VPS13D: variants seen among roughly 807,000 people sequenced by gnomAD.
VPS13D encodes the protein intermembrane lipid transfer protein VPS13D.
Under a neutral mutation model 461.9 loss-of-function variants are expected in VPS13D, and 187 were observed. That is an observed-to-expected ratio of 0.40 (90% CI 0.36 to 0.46). The LOEUF (loss-of-function observed/expected upper bound fraction) is 0.46, where lower values mean the gene tolerates loss of function less well. VPS13D is among the 20% of genes least tolerant of loss of function. The probability of loss-of-function intolerance (pLI) is 0.60; values close to 1 mark genes in which losing one functional copy is unlikely to be tolerated. For synonymous variants in VPS13D, 1,951 were observed against 1,986.3 expected (o/e 0.98, Z 0.47); for missense variants, 4,711 against 5,364.9 (o/e 0.88, Z 3.81).
At chr1:12,264,694 A>G (rs2101304696) in intron 13 of VPS13D, among the ~76,000 whole-genome samples, 1 of 152,362 alleles carries the variant, frequency 6.6e-6, no homozygotes, top group Non-Finnish European at 1.5e-5. Flanking sequence ...TTTGAAGGAA[A>G]GAAGCCATCT....
chr1:12,458,438 C>G (rs942994543), intron 66 of VPS13D, among the ~76,000 whole-genome samples: 2 of 152,012 alleles, frequency 1.3e-5, no homozygotes, highest in African/African-American at 4.8e-5. Flanking sequence ...TGCAGTGGCT[C>G]AGGACAGTAA....
intron 2 of VPS13D, among the ~76,000 whole-genome samples, chr1:12,241,439 C>T (rs1055468227): frequency 6.6e-6 from 1 of 152,196 alleles, no homozygotes; most frequent in Non-Finnish European, 1.5e-5. Context: ...CAAAAATTGC[C>T]TTGTGTCTCG....
intron 66 of VPS13D, 108 bp from the exon 67 acceptor site, chr1:12,460,093 G>A: frequency 9.4e-7 from 1 of 1,064,428 alleles, no homozygotes; most frequent in Non-Finnish European, 1.3e-6. Flanking sequence ...CTGGCACAGA[G>A]ATTAATAGAA....
At chr1:12,459,447 A>G (rs1645374519) in intron 66 of VPS13D, among the ~76,000 whole-genome samples, 1 of 150,710 alleles carries the variant, frequency 6.6e-6, no homozygotes, top group East Asian at 2.0e-4. Flanking sequence ...ACATTTAGTT[A>G]TCTCTCTCTG....
chr1:12,313,325 T>TA (rs1161301427), intron 29 of VPS13D, among the ~76,000 whole-genome samples: 5 of 143,746 alleles, frequency 3.5e-5, no homozygotes, highest in Admixed American at 2.1e-4. Context: ...TTTTTTTTTT[T>TA]AAGACAGAAT....
At chr1:12,369,834 C>A in intron 54 of VPS13D, 132 bp downstream of exon 54, 1 of 818,894 alleles carries the variant, frequency 1.2e-6, no homozygotes, top group Non-Finnish European at 1.9e-6. Context: ...AAACCCTGGG[C>A]TCAGTGTCTA....
intron 15 of VPS13D, 47 bp from the exon 16 acceptor site, chr1:12,268,659 A>T: frequency 1.3e-6 from 2 of 1,575,656 alleles, no homozygotes; most frequent in Non-Finnish European, 1.7e-6. Flanking sequence ...TAATAAGGCT[A>T]TAGTTTTTGC....
At position 12,282,844 on chromosome 1, in the gene VPS13D, G is replaced by A. The variant is rs1449701892; in HGVS notation, c.4742G>A (p.Cys1581Tyr). ...TCTCCTCTGCCTCCCCTCAGTACCT[G>A]TGGAGAATCTTCTGTTGAAAGGAAG... ...PDSPLPPLST[C>Y]GESSVERKEN... Residue 1581 changes from cysteine (C) to tyrosine (Y), a missense_variant, in exon 21 of 70, where the codon TGT (cysteine) becomes TAT (tyrosine). By Grantham distance (194) the Cys-to-Tyr change is radical (BLOSUM62 -2). Around this residue, in one of 3 missense-constraint regions of VPS13D, gnomAD observed 4,411 missense variants for 4,937.8 expected, o/e 0.89. Transcript: ENST00000620676. The A allele has an allele frequency of 2.5e-6, 4 of 1,614,006 alleles. No individual in the cohort carries two copies. The East Asian group carries it at 6.7e-5, about 27-fold the overall frequency.
Position 12,348,847 on chromosome 1 carries a change from G to C in VPS13D, c.9094G>C (p.Val3032Leu). 1 of 1,614,106 alleles carries C rather than the reference G, an allele frequency of 6.2e-7. No homozygotes were observed. The highest frequency in any genetic ancestry group is 1.3e-5 in the African/African-American group (1 of 75,000). The stretch of plus-strand genomic sequence containing the variant: ...GTTCTCTTCACTCCCACCAGTGCGG[G>C]TGGTCTTTGCAGTGACTATGGAAGG... ...VYFSSLPPVR[V>L]VFAVTMEGSA... Residue 3032 changes from valine to leucine, a missense_variant, in exon 45 of 70, where the codon GTG (valine) becomes CTG (leucine). Coordinates refer to ENST00000620676, the MANE Select transcript of VPS13D (RefSeq NM_015378.4).
intron 59 of VPS13D, 93 bp downstream of exon 59, chr1:12,385,466 C>A: frequency 1.0e-6 from 1 of 1,004,230 alleles, no homozygotes; most frequent in Non-Finnish European, 1.5e-6. Context: ...TTCTTTCTAT[C>A]CTGTATGATT....
intron 31 of VPS13D, 23 bp from the exon 32 acceptor site, chr1:12,319,474 A>AT: frequency 6.2e-7 from 1 of 1,613,562 alleles, no homozygotes; most frequent in Middle Eastern, 1.7e-4. Flanking sequence ...CTCTGGCTTG[A>AT]TTGACGACGT....
intron 60 of VPS13D, among the ~76,000 whole-genome samples, chr1:12,387,074 A>G (rs1449073067): frequency 2.0e-5 from 3 of 152,196 alleles, no homozygotes; most frequent in Non-Finnish European, 2.9e-5. Flanking sequence ...ATGTGAGGAA[A>G]CTACCCATCT....
In VPS13D at chr1:12,299,247, G is replaced by A; in HGVS notation, c.6079G>A (p.Glu2027Lys). The part of the protein sequence containing the change: ...QRCSRVLLDI[E>K]AGAPVLLIPE... Reference sequence around the variant, plus strand: ...CTGTTCACGGGTTCTCCTGGATATTGAGGCTGGTGCTCCCGTTCTCTTGAT... The same window carrying A: ...CTGTTCACGGGTTCTCCTGGATATTAAGGCTGGTGCTCCCGTTCTCTTGAT... The change falls in exon 25 of 70, where the codon GAG (glutamate) becomes AAG (lysine). Residue 2027 changes from glutamate (E) to lysine (K), a missense_variant. By Grantham distance (56) the Glu-to-Lys change is moderately conservative. Coordinates refer to ENST00000620676, the MANE Select transcript of VPS13D (RefSeq NM_015378.4). The surrounding 1 kb of genome is among the most constrained non-coding windows in gnomAD (Gnocchi z 4.2). The A allele has an allele frequency of 1.1e-5, 18 of 1,613,594 alleles. No individual in the cohort carries two copies. The highest frequency in any genetic ancestry group is 1.4e-5 in the Non-Finnish European group (17 of 1,179,932).
chr1:12,247,901 T>C (rs1027346616), intron 5 of VPS13D, among the ~76,000 whole-genome samples: 3 of 151,292 alleles, frequency 2.0e-5, no homozygotes, highest in Admixed American at 6.6e-5. Context: ...TTTTTTTTTT[T>C]TGAGACAGTG....
chr1:12,465,962 C>G (rs1645477159), intron 67 of VPS13D, among the ~76,000 whole-genome samples: 1 of 152,032 alleles, frequency 6.6e-6, no homozygotes, highest in Non-Finnish European at 1.5e-5. Flanking sequence ...TGTCGAAACC[C>G]TGTCTCTACT....
intron 63 of VPS13D, among the ~76,000 whole-genome samples, chr1:12,406,532 G>C (rs1644657958): frequency 6.6e-6 from 1 of 152,202 alleles, no homozygotes; most frequent in Non-Finnish European, 1.5e-5. Flanking sequence ...GGTTTACACT[G>C]AGGGTACATT....
chr1:12,438,776 T>C (rs2100332738), intron 65 of VPS13D, among the ~76,000 whole-genome samples: 2 of 152,332 alleles, frequency 1.3e-5, no homozygotes, highest in South Asian at 4.1e-4. Context: ...AGAACTGAAA[T>C]TTTGACATGT....
At chr1:12,448,178 C>G (rs532858107) in intron 65 of VPS13D, among the ~76,000 whole-genome samples, 2 of 152,298 alleles carry the variant, frequency 1.3e-5, no homozygotes, top group East Asian at 3.9e-4. Context: ...CCAGCTGATA[C>G]TAATGACAAG....
At chr1:12,421,956 A>G (rs1644869922) in intron 65 of VPS13D, among the ~76,000 whole-genome samples, 1 of 152,092 alleles carries the variant, frequency 6.6e-6, no homozygotes, top group Non-Finnish European at 1.5e-5. Flanking sequence ...AGAGTAGCAG[A>G]GATTACAAGG....
Sources: allele counts gnomAD v4.1 joint callset (sites outside exome capture counted in the v4.1 genomes callset), GRCh38; gene constraint gnomAD v4.1.1; regional missense constraint gnomAD v4.1.1; non-coding constraint Gnocchi (gnomAD v3.1); transcripts MANE v1.5; gene names NCBI Gene and HGNC (gene_info 2026-07-23, HGNC 2026-07-21).